GLT1D1: variants seen among roughly 807,000 people sequenced by gnomAD.
The protein encoded by GLT1D1 is glycosyltransferase 1 domain containing 1, also known as glycosyltransferase 1 domain-containing protein 1.
In GLT1D1, 21 loss-of-function variants were observed where a neutral mutation model predicts 28.7. That is an observed-to-expected ratio of 0.73 (90% CI 0.52 to 1.05). The LOEUF is 1.05. GLT1D1 is among the 50% of genes least tolerant of loss of function. The pLI is 0.00. For missense variants in GLT1D1, 343 were observed against 330.6 expected, an observed-to-expected ratio of 1.04 and a Z score of -0.29; for synonymous variants, 147 against 124.8, an observed-to-expected ratio of 1.18 and a Z score of -1.19.
chr12:128,903,871 C>T (rs899196700), intron 4 of GLT1D1, among the ~76,000 whole-genome samples: 1 of 151,814 alleles, frequency 6.6e-6, no homozygotes, highest in Non-Finnish European at 1.5e-5. Context: ...GCTGGGATTA[C>T]AGGCTCCCGC....
chr12:128,897,211 C>A (rs889056635), intron 3 of GLT1D1, among the ~76,000 whole-genome samples: 1 of 152,136 alleles, frequency 6.6e-6, no homozygotes, highest in Non-Finnish European at 1.5e-5. Context: ...CGTGAACATC[C>A]CATTTTTCCC....
intron 4 of GLT1D1, among the ~76,000 whole-genome samples, chr12:128,942,792 C>A (rs1340148703): frequency 6.7e-6 from 1 of 149,134 alleles, no homozygotes; most frequent in Non-Finnish European, 1.5e-5. Context: ...GCTCTGCCCC[C>A]CAGGCTGGAG....
intron 4 of GLT1D1, among the ~76,000 whole-genome samples, chr12:128,925,097 A>T (rs1457949996): frequency 6.6e-6 from 1 of 151,042 alleles, no homozygotes; most frequent in African/African-American, 2.4e-5. Flanking sequence ...AATTATATGT[A>T]TGTGAGGTGT....
chr12:128,961,185 G>A (rs1877906325), intron 7 of GLT1D1, among the ~76,000 whole-genome samples: 1 of 152,234 alleles, frequency 6.6e-6, no homozygotes, highest in South Asian at 2.1e-4. Flanking sequence ...ATATAAATAT[G>A]TGAGGAGATT....
At chr12:128,920,081 T>G (rs1002640546) in intron 4 of GLT1D1, among the ~76,000 whole-genome samples, 1 of 152,086 alleles carries the variant, frequency 6.6e-6, no homozygotes, top group Non-Finnish European at 1.5e-5. Flanking sequence ...TTGTAGCACT[T>G]TTCTTCCTCA....
chr12:128,906,858 A>G (rs945528251), intron 4 of GLT1D1: 3 of 700,558 alleles, frequency 4.3e-6, no homozygotes, highest in Admixed American at 4.0e-5. Context: ...GTGTAATTTT[A>G]CTTTGTGTAC....
At chr12:128,900,911 C>T (rs1355038689) in intron 4 of GLT1D1, among the ~76,000 whole-genome samples, 1 of 152,152 alleles carries the variant, frequency 6.6e-6, no homozygotes, top group East Asian at 1.9e-4. Context: ...GTTGGGGCTA[C>T]AGGTGTGAGC....
intron 4 of GLT1D1, chr12:128,944,856 G>A: frequency 3.3e-6 from 1 of 306,088 alleles, no homozygotes; most frequent in South Asian, 5.9e-5. Context: ...GTGCAGGTTT[G>A]TTACATAGGT....
In GLT1D1 at chr12:128,875,573, G is replaced by T. The variant is rs150866997; in HGVS notation, c.69-341G>T. Among the ~76,000 whole-genome samples, 1,169 of 152,286 alleles carry T rather than the reference G, an allele frequency of 7.7e-3. 6 individuals carry two copies. Among genetic ancestry groups the T allele is most frequent in the Non-Finnish European group, 0.013 (856 of 68,026 alleles). Reference sequence around the variant, plus strand: ...GCACTTTGGGAGGCCAAAGCAGGTGGATTACCTGAGGTCAAGAGTTTGAGA... The same window carrying T: ...GCACTTTGGGAGGCCAAAGCAGGTGTATTACCTGAGGTCAAGAGTTTGAGA... On this transcript the variant is annotated intron_variant, in intron 1 of 7. Coordinates refer to ENST00000281703, the MANE Select transcript of GLT1D1 (RefSeq NM_144669.3).
intron 6 of GLT1D1, among the ~76,000 whole-genome samples, chr12:128,952,773 C>CTTT (rs71072430): frequency 0.17 from 9,990 of 58,860 alleles, 3,498 homozygotes; most frequent in African/African-American, 0.3. Context: ...CCGTGACTGG[C>CTTT]TTTTTTTTTT....
intron 4 of GLT1D1, among the ~76,000 whole-genome samples, chr12:128,923,065 G>A (rs940671460): frequency 2.6e-5 from 4 of 152,012 alleles, no homozygotes; most frequent in Admixed American, 1.3e-4. Context: ...GCGACATCTC[G>A]ATCTTAACAT....
chr12:128,960,929 T>C (rs1877880530), intron 7 of GLT1D1, among the ~76,000 whole-genome samples: 1 of 152,232 alleles, frequency 6.6e-6, no homozygotes, highest in South Asian at 2.1e-4. Context: ...TTAGTAGTTC[T>C]GCATTCGCTT....
chr12:128,926,901 T>C (rs571603404), intron 4 of GLT1D1, among the ~76,000 whole-genome samples: 1 of 152,334 alleles, frequency 6.6e-6, no homozygotes, highest in African/African-American at 2.4e-5. Flanking sequence ...ATGGATAATA[T>C]TGTAGAAATT....
At chr12:128,928,019 A>AG (rs1435415113) in intron 4 of GLT1D1, among the ~76,000 whole-genome samples, 1 of 150,118 alleles carries the variant, frequency 6.7e-6, no homozygotes, top group Non-Finnish European at 1.5e-5. Context: ...AAAAAAAAAA[A>AG]AAAAAACAAA....
chr12:128,906,799 G>A (rs1190118806), intron 4 of GLT1D1: 1 of 542,882 alleles, frequency 1.8e-6, no homozygotes, highest in Non-Finnish European at 3.4e-6. Flanking sequence ...CTTGGCACTT[G>A]TGAAAGAAAA....
chr12:128,855,844 C>A (rs1380900362), intron 1 of GLT1D1, among the ~76,000 whole-genome samples: 1 of 151,204 alleles, frequency 6.6e-6, no homozygotes, highest in African/African-American at 2.4e-5. Context: ...CCTCTGCCCC[C>A]CGGTTCCAGC....
chr12:128,867,180 G>A (rs766634482), intron 1 of GLT1D1, among the ~76,000 whole-genome samples: 2 of 151,188 alleles, frequency 1.3e-5, no homozygotes, highest in Non-Finnish European at 3.0e-5. Flanking sequence ...GATCACCTGA[G>A]GTCAGGAGTT....
intron 2 of GLT1D1, among the ~76,000 whole-genome samples, chr12:128,884,942 A>G (rs971747370): frequency 2.0e-5 from 3 of 149,568 alleles, no homozygotes; most frequent in Non-Finnish European, 4.4e-5. Context: ...TTTTTAAGAA[A>G]TGGGATCTTG....
chr12:128,874,735 C>T (rs922941374), intron 1 of GLT1D1, among the ~76,000 whole-genome samples: 7 of 152,154 alleles, frequency 4.6e-5, no homozygotes, highest in African/African-American at 9.7e-5. Flanking sequence ...CTGTCTGCCT[C>T]GAACTCTCAA....
Sources: gnomAD v4.1 joint callset for allele counts (sites outside exome capture counted in the v4.1 genomes callset) on GRCh38, gnomAD v4.1.1 for gene constraint, MANE v1.5 for transcripts, NCBI Gene and HGNC (gene_info 2026-07-23, HGNC 2026-07-21) for gene names.